The following CPQ variants were observed in gnomAD, a reference collection of about 807,000 sequenced individuals.
CPQ encodes carboxypeptidase Q, also known as Ser-Met dipeptidase.
In CPQ, 37 loss-of-function variants were observed where a neutral mutation model predicts 45.7. The ratio of observed to expected loss-of-function variants is 0.81; its 90% CI spans 0.62 to 1.07. The LOEUF is 1.07. Ranked by LOEUF, CPQ falls within the 50% of genes least tolerant of loss-of-function variation. CPQ has a pLI of 0.00. For missense variants in CPQ, 537 were observed against 572.9 expected (o/e 0.94, Z 0.64); for synonymous variants, 186 against 205.8 (o/e 0.90, Z 0.82).
intron 1 of CPQ, among the ~76,000 whole-genome samples, chr8:96,718,971 G>A (rs1049415342): frequency 1.3e-5 from 2 of 152,254 alleles, no homozygotes; most frequent in Non-Finnish European, 2.9e-5. Context: ...CCCTGAGCTA[G>A]ACATAAAGGT....
chr8:97,065,953 A>G, intron 6 of CPQ, 56 bp from the exon 7 acceptor site: 1 of 1,541,186 alleles, frequency 6.5e-7, no homozygotes, highest in Non-Finnish European at 8.9e-7. Context: ...GATAGTTCCC[A>G]AGGAGAAAGC....
At chr8:97,022,442 A>C (rs1809705254) in intron 5 of CPQ, among the ~76,000 whole-genome samples, 1 of 152,240 alleles carries the variant, frequency 6.6e-6, no homozygotes, top group African/African-American at 2.4e-5. Context: ...CAGAGTTAAC[A>C]GACAACCCAG....
intron 1 of CPQ, among the ~76,000 whole-genome samples, chr8:96,740,337 G>C (rs1810068096): frequency 6.6e-6 from 1 of 152,156 alleles, no homozygotes; most frequent in South Asian, 2.1e-4. Flanking sequence ...TGCTGAAGTT[G>C]CTTATCAGCT....
At chr8:96,774,967 G>A (rs536789381) in intron 1 of CPQ, among the ~76,000 whole-genome samples, 1 of 152,276 alleles carries the variant, frequency 6.6e-6, no homozygotes, top group South Asian at 2.1e-4. Flanking sequence ...TCATATACAG[G>A]AAAGTTGGTG....
chr8:96,800,201 TG>T (rs1197050584), intron 2 of CPQ, among the ~76,000 whole-genome samples: 3 of 152,184 alleles, frequency 2.0e-5, no homozygotes, highest in African/African-American at 7.2e-5. Context: ...GTAAAAGTTC[TG>T]AATTGGCAAC....
intron 3 of CPQ, 42 bp from the exon 4 acceptor site, chr8:96,879,756 T>C: frequency 6.6e-7 from 1 of 1,519,234 alleles, no homozygotes; most frequent in Non-Finnish European, 9.1e-7. Flanking sequence ...TCTTTTGGTC[T>C]ATTTCCACTT....
At chr8:97,023,380 C>T (rs112313519) in intron 5 of CPQ, among the ~76,000 whole-genome samples, 2,850 of 152,162 alleles carry the variant, frequency 0.019, 86 homozygotes, top group African/African-American at 0.065. Flanking sequence ...GCAGTGTATA[C>T]TGCTCAGGTG....
At position 96,890,674 on chromosome 8, in the gene CPQ, A is replaced by C. The variant is rs576859047; in HGVS notation, c.849+10669A>C. On this transcript the variant is annotated intron_variant, in intron 4 of 7. Transcript: ENST00000220763. ...AACTCCCTTCTTAGCCTGTTGACTT[A>C]GAGGTAGGCAGAGCCCAAAGTGTCC... Among the ~76,000 whole-genome samples the C allele has an allele frequency of 1.4e-4, 21 of 152,312 alleles. No homozygotes were observed. In the South Asian group the frequency reaches 1.5e-3, roughly 11 times the overall value.
chr8:97,080,558 A>G (rs1310950797), intron 7 of CPQ, among the ~76,000 whole-genome samples: 1 of 152,198 alleles, frequency 6.6e-6, no homozygotes, highest in Non-Finnish European at 1.5e-5. Flanking sequence ...AGTTTGGATA[A>G]TTTCATTAGC....
In CPQ at chr8:96,949,548, C is replaced by T. The variant is rs554237037; in HGVS notation, c.850-16387C>T. Among the ~76,000 whole-genome samples, 8 of 152,168 alleles carry T rather than the reference C, an allele frequency of 5.3e-5. No individual in the cohort carries two copies. In the South Asian group the frequency reaches 6.2e-4, roughly 12 times the overall value. ...GGATATCACATACTCTGTTATCAAG[C>T]GAGCAGGTGGTTTGATTCTGTGCCT... On this transcript the variant is annotated intron_variant, in intron 4 of 7. Coordinates refer to ENST00000220763, the MANE Select transcript of CPQ (RefSeq NM_016134.4).
At chr8:96,880,054 T>A (rs1812200560) in intron 4 of CPQ, 49 bp downstream of exon 4, 2 of 1,524,308 alleles carry the variant, frequency 1.3e-6, no homozygotes, top group Non-Finnish European at 1.8e-6. Context: ...CTGGTCTAGT[T>A]TGAGTTATTA....
intron 4 of CPQ, among the ~76,000 whole-genome samples, chr8:96,907,407 A>G (rs1264106942): frequency 6.6e-6 from 1 of 152,100 alleles, no homozygotes; most frequent in African/African-American, 2.4e-5. Context: ...TTCACAAACC[A>G]CTAGTGAGCT....
chr8:97,122,358 G>A (rs190578753), intron 7 of CPQ, among the ~76,000 whole-genome samples: 1 of 152,194 alleles, frequency 6.6e-6, no homozygotes, highest in Admixed American at 6.5e-5. Context: ...GCAATGTCTT[G>A]TAGAAGACAA....
chr8:96,868,657 A>C (rs957558848), intron 3 of CPQ, among the ~76,000 whole-genome samples: 3 of 152,008 alleles, frequency 2.0e-5, no homozygotes, highest in African/African-American at 7.2e-5. Flanking sequence ...AAAATTCATA[A>C]GGAAAAAATC....
At chr8:96,929,487 C>G (rs1040597186) in intron 4 of CPQ, among the ~76,000 whole-genome samples, 1 of 152,150 alleles carries the variant, frequency 6.6e-6, no homozygotes, top group Non-Finnish European at 1.5e-5. Context: ...ATGCAAGTCT[C>G]TCAGCTCCAA....
At chr8:96,815,107 A>G (rs1287939012) in intron 2 of CPQ, among the ~76,000 whole-genome samples, 2 of 152,130 alleles carry the variant, frequency 1.3e-5, no homozygotes, top group African/African-American at 4.8e-5. Context: ...TGATGGCTGC[A>G]TAACTCTGTG....
At chr8:96,860,285 G>A (rs1427140560) in intron 3 of CPQ, among the ~76,000 whole-genome samples, 1 of 152,136 alleles carries the variant, frequency 6.6e-6, no homozygotes, top group Non-Finnish European at 1.5e-5. Flanking sequence ...GAGATATTCA[G>A]TAGAAAAAGC....
At chr8:97,122,623 T>G (rs1443780303) in intron 7 of CPQ, among the ~76,000 whole-genome samples, 1 of 151,970 alleles carries the variant, frequency 6.6e-6, no homozygotes, top group Non-Finnish European at 1.5e-5. Context: ...TGGTGGCTTA[T>G]GCCTGTAATC....
intron 1 of CPQ, among the ~76,000 whole-genome samples, chr8:96,700,793 T>C (rs1809448309): frequency 6.6e-6 from 1 of 152,182 alleles, no homozygotes; most frequent in Non-Finnish European, 1.5e-5. Flanking sequence ...AGAACATCTC[T>C]TTCCTTCCTG....
Sources: gnomAD v4.1 joint callset for allele counts (sites outside exome capture counted in the v4.1 genomes callset) on GRCh38, gnomAD v4.1.1 for gene constraint, MANE v1.5 for transcripts, NCBI Gene and HGNC (gene_info 2026-07-23, HGNC 2026-07-21) for gene names.